Variants in ITPR3 observed in about 807,000 individuals in gnomAD.
ITPR3 encodes the protein inositol 1,4,5-trisphosphate-gated calcium channel ITPR3.
ITPR3 carries 173 observed loss-of-function variants against 293.2 expected under a neutral mutation model. The observed-to-expected ratio is 0.59, with a 90% CI of 0.52 to 0.67. ITPR3 has a LOEUF of 0.67. Ranked by LOEUF, ITPR3 falls within the 30% of genes least tolerant of loss-of-function variation. The pLI is 0.00. For synonymous variants in ITPR3, 1,295 were observed against 1,444.4 expected, an observed-to-expected ratio of 0.90 and a Z score of 2.35; for missense variants, 2,796 against 3,592.1, an observed-to-expected ratio of 0.78 and a Z score of 5.66.
chr6:33,663,582 A>G (rs1233260725), intron 10 of ITPR3, 32 bp downstream of exon 10: 1 of 1,601,666 alleles, frequency 6.2e-7, no homozygotes, highest in East Asian at 2.2e-5. Context: ...CAGTGAGACC[A>G]TGGGCCTGCC....
rs755045673 is a variant in ITPR3 at position 33,691,389 on chromosome 6, G to A, written c.7226-226G>A. ...ATTCATGTTAAACCCAGTATTTGCAGAAACTGCCCGTGTGCCAGGCCTAGG... is the reference window on the plus strand; with the variant it reads ...ATTCATGTTAAACCCAGTATTTGCAAAAACTGCCCGTGTGCCAGGCCTAGG... On this transcript the variant is annotated intron_variant, in intron 52 of 57. Coordinates refer to ENST00000605930, the MANE Select transcript of ITPR3 (RefSeq NM_002224.4). This position sits in a 1 kb window ranked among gnomAD's most constrained non-coding sequence, Gnocchi z 4.9. 1.9e-4 allele frequency among the ~76,000 whole-genome samples: 29 copies of A among 152,174 alleles called. No homozygotes were observed. The highest frequency in any genetic ancestry group is 3.5e-4 in the Non-Finnish European group (24 of 68,028).
chr6:33,665,231 A>G lies in ITPR3; in HGVS notation c.1409+18A>G. The G allele has an allele frequency of 6.2e-7, 1 of 1,607,044 alleles. No homozygotes were observed. Among genetic ancestry groups the G allele is most frequent in the South Asian group, 1.1e-5 (1 of 90,700 alleles). On this transcript the variant is annotated intron_variant, in intron 13 of 57. Coordinates refer to ENST00000605930, the MANE Select transcript of ITPR3 (RefSeq NM_002224.4). ...GACCGCAGGTGGGCTGCAGTGGCAC[A>G]GGGGTTTTCTGAGTGATCTTGCCCT... is the stretch of plus-strand genomic sequence containing the variant.
intron 1 of ITPR3, among the ~76,000 whole-genome samples, chr6:33,629,982 T>A (rs374080120): frequency 9.6e-4 from 146 of 152,020 alleles, no homozygotes; most frequent in Middle Eastern, 3.4e-3. Context: ...TCCCAGCTAC[T>A]CGGGAGGCTG....
chr6:33,653,448 A>G (rs1411422482), intron 2 of ITPR3, among the ~76,000 whole-genome samples: 1 of 152,112 alleles, frequency 6.6e-6, no homozygotes, highest in Non-Finnish European at 1.5e-5. Flanking sequence ...TGGCAGCCAC[A>G]CATGCACCCA....
chr6:33,680,185 G>A (rs1167882834), intron 31 of ITPR3, 52 bp downstream of exon 31: 15 of 1,596,116 alleles, frequency 9.4e-6, no homozygotes, highest in Non-Finnish European at 1.3e-5. Context: ...GAAGGGGTGG[G>A]TAAAGCCACG....
At position 33,664,943 on chromosome 6, in the gene ITPR3, G is replaced by T. The variant is rs760371871; in HGVS notation, c.1222G>T (p.Glu408Ter). 6.2e-7 allele frequency: 1 copy of T among 1,613,880 alleles called. No individual in the cohort carries two copies. The highest frequency in any genetic ancestry group is 1.1e-5 in the South Asian group (1 of 91,056). Residue 408 changes from glutamate (E) to a stop codon, truncating the protein, a stop_gained, in exon 12 of 58, where the codon GAG (glutamate) becomes TAG (stop). Transcript: ENST00000605930. LOFTEE classifies it high-confidence loss of function. The surrounding 1 kb of genome is among the most constrained non-coding windows in gnomAD (Gnocchi z 4.4). Reference protein sequence around the residue: ...IQSTNVPIDIEEERPIRLMLG... With the variant: ...IQSTNVPIDI ...GAGCACCAATGTGCCCATTGACATC[G>T]AGGAGGAGCGGCCCATCCGGCTCAT...
chr6:33,645,585 T>G (rs1764048126), intron 2 of ITPR3, among the ~76,000 whole-genome samples: 1 of 152,306 alleles, frequency 6.6e-6, no homozygotes, highest in Middle Eastern at 3.4e-3. Flanking sequence ...TGGTATGTTC[T>G]GAGTGGGGGG....
intron 23 of ITPR3, among the ~76,000 whole-genome samples, 173 bp from the exon 24 acceptor site, chr6:33,674,035 G>A (rs1764840000): frequency 6.6e-6 from 1 of 152,126 alleles, no homozygotes; most frequent in Non-Finnish European, 1.5e-5. Context: ...CTGCCCTGCA[G>A]GGGAGTAGGG....
rs1764383074 is a variant in ITPR3 at position 33,658,957 on chromosome 6, C to T, written c.529-64C>T. On this transcript the variant is annotated intron_variant, in intron 5 of 57. Coordinates refer to ENST00000605930, the MANE Select transcript of ITPR3 (RefSeq NM_002224.4). This position sits in a 1 kb window ranked among gnomAD's most constrained non-coding sequence, Gnocchi z 6.1. ...GGGCAGACTGAGACCAAAGGGAGGC[C>T]TGGAGGCGTGGTGACAAGAGGGCCC... 3 of 1,601,992 alleles carry T rather than the reference C, an allele frequency of 1.9e-6. No individual in the cohort carries two copies. Among genetic ancestry groups the T allele is most frequent in the Non-Finnish European group, 2.6e-6 (3 of 1,169,770 alleles).
Position 33,670,692 on chromosome 6 carries a change from G to A in ITPR3, c.2463G>A (p.Ala821=), listed in dbSNP as rs202110116. 3.8e-5 allele frequency: 62 copies of A among 1,613,950 alleles called. No homozygotes were observed. The highest frequency in any genetic ancestry group is 1.2e-4 in the African/African-American group (9 of 74,888). ...TCAGCTATGATTCCAACCTCAACGC[G>A]TCCCGAGATGACAAGAAGAACAAGT... ...TIKDYDSNLN[A]SRDDKKNKFA... Residue 821 remains alanine, a synonymous_variant, in exon 20 of 58, where the codon GCG becomes GCA. Transcript: ENST00000605930. The surrounding 1 kb of genome is among the most constrained non-coding windows in gnomAD (Gnocchi z 6.7).
chr6:33,680,362 T>C lies in ITPR3; in HGVS notation c.4258T>C (p.Cys1420Arg). The C allele has an allele frequency of 6.2e-7, 1 of 1,613,802 alleles. No individual in the cohort carries two copies. The highest frequency in any genetic ancestry group is 8.5e-7 in the Non-Finnish European group (1 of 1,179,996). Residue 1420 changes from cysteine to arginine, a missense_variant, in exon 32 of 58, where the codon TGC becomes CGC. Physicochemically the swap from Cys to Arg is radical, Grantham distance 180. Around this residue, in one of 8 missense-constraint regions of ITPR3, gnomAD observed 344 missense variants for 460.3 expected, o/e 0.75. Transcript: ENST00000605930. ...GGCCTATGTGAACTTCGTGAACCACTGCTACGTGGACACGGAGGTGGAGAT... is the reference window on the plus strand; with the variant it reads ...GGCCTATGTGAACTTCGTGAACCACCGCTACGTGGACACGGAGGTGGAGAT... ...KMAYVNFVNH[C>R]YVDTEVEMKE...
chr6:33,694,794 C>A, intron 56 of ITPR3, 130 bp from the exon 57 acceptor site: 1 of 1,189,668 alleles, frequency 8.4e-7, no homozygotes, highest in Non-Finnish European at 1.2e-6. Flanking sequence ...CAGATTTTCC[C>A]ATGACACATC....
At position 33,621,878 on chromosome 6, in the gene ITPR3, G is replaced by A. The variant is rs937144180; in HGVS notation, c.89+187G>A. Among the ~76,000 whole-genome samples the A allele has an allele frequency of 1.3e-5, 2 of 152,208 alleles. No individual in the cohort carries two copies. The highest frequency in any genetic ancestry group is 4.8e-5 in the African/African-American group (2 of 41,452). ...TGAAGTGTTTGCTCAGGTAGGACTC[G>A]GGCTCCCTACTGGAGTTGGCAGGAG... On this transcript the variant is annotated intron_variant, in intron 1 of 57. Coordinates refer to ENST00000605930, the MANE Select transcript of ITPR3 (RefSeq NM_002224.4). The surrounding 1 kb of genome is among the most constrained non-coding windows in gnomAD (Gnocchi z 7.7).
intron 17 of ITPR3, 150 bp from the exon 18 acceptor site, chr6:33,668,824 G>A (rs947334918): frequency 1.7e-6 from 2 of 1,183,422 alleles, no homozygotes; most frequent in Non-Finnish European, 2.4e-6. Context: ...GCACAGAAAA[G>A]AATGAGCCAC....
At chr6:33,663,946 G>T in intron 11 of ITPR3, 66 bp downstream of exon 11, 4 of 1,586,040 alleles carry the variant, frequency 2.5e-6, no homozygotes, top group Non-Finnish European at 3.4e-6. Flanking sequence ...CTGTCTCTGG[G>T]ACTCTCTGGA....
chr6:33,644,662 GTTTTTT>G (rs61492756), intron 2 of ITPR3, among the ~76,000 whole-genome samples: 1 of 124,372 alleles, frequency 8.0e-6, no homozygotes, highest in Non-Finnish European at 1.7e-5. Flanking sequence ...CACAATATAG[GTTTTTT>G]TTTTTTTTTT....
chr6:33,631,046 G>GC (rs1305600953), intron 1 of ITPR3, among the ~76,000 whole-genome samples: 4 of 152,106 alleles, frequency 2.6e-5, no homozygotes, highest in Non-Finnish European at 5.9e-5. Flanking sequence ...TGGAGAAAGG[G>GC]CCCCCCAGGC....
At chr6:33,674,155 C>T in intron 23 of ITPR3, 53 bp from the exon 24 acceptor site, 1 of 1,605,192 alleles carries the variant, frequency 6.2e-7, no homozygotes. Context: ...CTGTGCTCCC[C>T]TCTTTCCCGG....
intron 8 of ITPR3, 82 bp downstream of exon 8, chr6:33,662,756 G>C: frequency 6.4e-7 from 1 of 1,559,160 alleles, no homozygotes; most frequent in Non-Finnish European, 8.7e-7. Flanking sequence ...TGGAGGGTGG[G>C]ATATTGACCC....
Sources: gnomAD v4.1 joint callset for allele counts (sites outside exome capture counted in the v4.1 genomes callset) on GRCh38, gnomAD v4.1.1 for gene constraint, gnomAD v4.1.1 regional missense constraint, Gnocchi (gnomAD v3.1) non-coding constraint, MANE v1.5 for transcripts, NCBI Gene and HGNC (gene_info 2026-07-23, HGNC 2026-07-21) for gene names.